Variants in C2CD3 observed in about 807,000 individuals in gnomAD.
C2CD3 encodes the protein C2 domain containing 3 centriole elongation regulator.
C2CD3 carries 148 observed loss-of-function variants against 234.0 expected under a neutral mutation model. The ratio of observed to expected loss-of-function variants is 0.63; its 90% confidence interval spans 0.55 to 0.72. C2CD3 has a LOEUF of 0.72. C2CD3 is among the 30% of genes least tolerant of loss of function. The probability of loss-of-function intolerance (pLI) is 0.00; values close to 1 mark genes in which losing one functional copy is unlikely to be tolerated. For synonymous variants in C2CD3, 1,000 were observed against 1,035.4 expected (o/e 0.97, Z 0.66); for missense variants, 2,577 against 2,811.5 (o/e 0.92, Z 1.89).
rs773386256 is a variant in C2CD3 at position 74,057,456 on chromosome 11, TTGGG to T, written c.5036_5039del (p.Thr1679LysfsTer44). 32 of 1,614,028 alleles carry T rather than the reference TTGGG, an allele frequency of 2.0e-5. No individual in the cohort carries two copies. Among genetic ancestry groups the T allele is most frequent in the Non-Finnish European group, 2.6e-5 (31 of 1,179,976 alleles). ...TGGGGGAATCTGTGTTTTCAACCAC[TTGGG>T]TGTATACAGGAGATGACTCATCGGC... is the stretch of plus-strand genomic sequence containing the variant. On this transcript the variant is annotated frameshift_variant, in exon 25 of 33. Coordinates refer to ENST00000334126, the MANE Select transcript of C2CD3 (RefSeq NM_001286577.2). LOFTEE classifies it high-confidence loss of function.
rs1296536732 is a variant in C2CD3, at chr11:74,170,936, C to T, written c.-144G>A. On this transcript the variant is annotated 5_prime_UTR_variant, in exon 1 of 33. Transcript: ENST00000334126. ...TGGGAGGCAGGAAAAAGCGACTCTT[C>T]CTCTAACAGTCTCCGGAAAACGGTG... 1 of 1,507,604 alleles carries T rather than the reference C, an allele frequency of 6.6e-7. No homozygotes were observed. Among genetic ancestry groups the T allele is most frequent in the East Asian group, 2.4e-5 (1 of 41,228 alleles). 93.4% of individuals were successfully genotyped at this position (1,507,604 alleles called of 1,614,324 possible).
At chr11:74,045,343 T>G (rs1953309156) in intron 28 of C2CD3, among the ~76,000 whole-genome samples, 1 of 152,208 alleles carries the variant, frequency 6.6e-6, no homozygotes, top group Non-Finnish European at 1.5e-5. Flanking sequence ...AATTAGGGAC[T>G]CTGTTCTTTT....
chr11:74,141,360 T>C (rs1330256337), intron 3 of C2CD3, among the ~76,000 whole-genome samples: 2 of 152,208 alleles, frequency 1.3e-5, no homozygotes, highest in Non-Finnish European at 2.9e-5. Flanking sequence ...TGATCACTGT[T>C]AACAGCATCA....
chr11:74,103,729 T>A, intron 13 of C2CD3, 104 bp from the exon 14 acceptor site: 1 of 923,194 alleles, frequency 1.1e-6, no homozygotes, highest in Non-Finnish European at 1.6e-6. Flanking sequence ...ATGAATTAAC[T>A]CATCCTCAAA....
intron 24 of C2CD3, among the ~76,000 whole-genome samples, chr11:74,057,954 G>GTCAATCAA (rs35354441): frequency 3.9e-5 from 6 of 151,962 alleles, no homozygotes; most frequent in African/African-American, 1.5e-4. Flanking sequence ...GTGAGACCGT[G>GTCAATCAA]TCAATCAATC....
At chr11:74,165,826 A>G (rs1318868097) in intron 2 of C2CD3, among the ~76,000 whole-genome samples, 1 of 152,000 alleles carries the variant, frequency 6.6e-6, no homozygotes, top group Non-Finnish European at 1.5e-5. Context: ...AGCTAATTAA[A>G]AAAATTTTTT....
intron 7 of C2CD3, among the ~76,000 whole-genome samples, chr11:74,130,817 C>T (rs974021292): frequency 2.0e-5 from 3 of 151,866 alleles, no homozygotes; most frequent in Non-Finnish European, 2.9e-5. Flanking sequence ...TTTGGCTGTT[C>T]TGGGTCCCCT....
chr11:74,110,342 T>C (rs1026488993), intron 11 of C2CD3, among the ~76,000 whole-genome samples: 7 of 152,190 alleles, frequency 4.6e-5, no homozygotes, highest in Non-Finnish European at 8.8e-5. Context: ...AAATGACCCA[T>C]TTTAACCTAC....
intron 3 of C2CD3, among the ~76,000 whole-genome samples, chr11:74,143,015 C>CT (rs1177654573): frequency 6.6e-6 from 1 of 152,178 alleles, no homozygotes; most frequent in Non-Finnish European, 1.5e-5. Context: ...ACCACCTACA[C>CT]TTGCCAGGCT....
intron 5 of C2CD3, among the ~76,000 whole-genome samples, 168 bp downstream of exon 5, chr11:74,138,551 TA>T (rs1214216480): frequency 6.6e-6 from 1 of 152,234 alleles, no homozygotes; most frequent in African/African-American, 2.4e-5. Flanking sequence ...CTTGGTGGTT[TA>T]ATACGGCTGT....
Position 74,117,048 on chromosome 11 carries a change from G to GTATATATATATGAATATATATATATGAA in C2CD3, c.1520+1152_1520+1179dup, listed in dbSNP as rs1389705795. Among the ~76,000 whole-genome samples the GTATATATATATGAATATATATATATGAA allele has an allele frequency of 1.1e-3, 56 of 49,030 alleles. 18 individuals are homozygous for GTATATATATATGAATATATATATATGAA. The highest frequency in any genetic ancestry group is 4.0e-3 in the African/African-American group (52 of 12,954). 32.2% of individuals were successfully genotyped at this position (49,030 alleles called of 152,430 possible). Reference sequence around the variant, plus strand: ...TGTATATGTATATATACGTGTGTGTGTATATATATATGAATATATATATAT... The same window carrying GTATATATATATGAATATATATATATGAA: ...TGTATATGTATATATACGTGTGTGTGTATATATATATGAATATATATATATGAATATATATATATGAATATATATATAT... On this transcript the variant is annotated intron_variant, in intron 9 of 32. Coordinates refer to ENST00000334126, the MANE Select transcript of C2CD3 (RefSeq NM_001286577.2).
In C2CD3 at chr11:74,139,675, G is replaced by C; in HGVS notation, c.637C>G (p.Arg213Gly). Residue 213 changes from arginine (R) to glycine (G), a missense_variant, in exon 4 of 33, where the codon CGC (arginine) becomes GGC (glycine). Coordinates refer to ENST00000334126, the MANE Select transcript of C2CD3 (RefSeq NM_001286577.2). ...TCAATTTTGATGGTATGTATGTCGC[G>C]AGGCCTTGATGGAACCTGAAACTGG... ...STQFQVPSRP[R>G]DIHTIKIDGK... 3 of 1,613,946 alleles carry C rather than the reference G, an allele frequency of 1.9e-6. No homozygotes were observed. The highest frequency in any genetic ancestry group is 2.5e-6 in the Non-Finnish European group (3 of 1,179,894).
intron 2 of C2CD3, among the ~76,000 whole-genome samples, chr11:74,165,969 A>T (rs2135575455): frequency 1.3e-5 from 2 of 152,260 alleles, no homozygotes; most frequent in Middle Eastern, 3.4e-3. Context: ...TTGGGATTAC[A>T]GGCGTGAGCC....
At chr11:74,093,396 C>T in intron 18 of C2CD3, among the ~76,000 whole-genome samples, 1 of 149,036 alleles carries the variant, frequency 6.7e-6, no homozygotes, top group South Asian at 2.1e-4. Flanking sequence ...TATAAATGTT[C>T]CTCTGGTGGT....
chr11:74,070,854 T>C (rs772510269), intron 24 of C2CD3: 9 of 152,176 alleles, frequency 5.9e-5, no homozygotes, highest in Non-Finnish European at 1.2e-4. Context: ...TACCAAGCTT[T>C]TGAGCATGCT....
chr11:74,138,641 C>G (rs1009714109), intron 5 of C2CD3, 79 bp downstream of exon 5: 3 of 1,150,960 alleles, frequency 2.6e-6, no homozygotes, highest in African/African-American at 1.5e-5. Flanking sequence ...AGTCTTGGTT[C>G]TCTTTGTAGG....
intron 2 of C2CD3, among the ~76,000 whole-genome samples, chr11:74,162,177 ATG>A (rs1252645604): frequency 1.3e-5 from 2 of 152,194 alleles, no homozygotes; most frequent in Non-Finnish European, 2.9e-5. Context: ...ATTTAATAAA[ATG>A]TGTTTTTTTA....
chr11:74,037,825 C>T, intron 29 of C2CD3, 127 bp from the exon 30 acceptor site: 2 of 693,710 alleles, frequency 2.9e-6, no homozygotes, highest in Middle Eastern at 3.8e-4. Flanking sequence ...TATTAATATA[C>T]TAAGTCCCTC....
At chr11:74,053,834 T>C (rs1953816967) in intron 26 of C2CD3, among the ~76,000 whole-genome samples, 1 of 152,176 alleles carries the variant, frequency 6.6e-6, no homozygotes, top group Non-Finnish European at 1.5e-5. Flanking sequence ...TGTAGGAGAA[T>C]AGGCCAGGTA....
Sources: allele counts gnomAD v4.1 joint callset (sites outside exome capture counted in the v4.1 genomes callset), GRCh38; gene constraint gnomAD v4.1.1; transcripts MANE v1.5; gene names NCBI Gene and HGNC (gene_info 2026-07-23, HGNC 2026-07-21).